The following EOGT variants were observed in gnomAD, a reference collection of about 807,000 sequenced individuals.
EOGT encodes the protein EGF domain specific O-linked N-acetylglucosamine transferase.
A neutral mutation model predicts 70.5 loss-of-function variants in EOGT; 55 were observed. That is an observed-to-expected ratio of 0.78 (90% confidence interval 0.63 to 0.98). The LOEUF (loss-of-function observed/expected upper bound fraction) is 0.98. Among genes scored for constraint, EOGT ranks in the 50% least tolerant of loss-of-function variants. The pLI is 0.00. For synonymous variants in EOGT, 246 were observed against 217.1 expected (o/e 1.13, Z -1.17); for missense variants, 703 against 641.9 (o/e 1.10, Z -1.03).
chr3:69,011,141 A>G (rs1171359805), intron 3 of EOGT, among the ~76,000 whole-genome samples: 2 of 147,838 alleles, frequency 1.4e-5, no homozygotes, highest in Non-Finnish European at 3.0e-5. Context: ...TCTCCTATAT[A>G]TCCCAGACAA....
chr3:69,004,810 T>C (rs1018402306), intron 7 of EOGT, among the ~76,000 whole-genome samples: 2 of 152,064 alleles, frequency 1.3e-5, no homozygotes, highest in African/African-American at 4.8e-5. Context: ...ACACCTATAA[T>C]CCCAGCACTT....
At chr3:68,983,887 CGA>C (rs2090724698) in intron 14 of EOGT, among the ~76,000 whole-genome samples, 1 of 152,098 alleles carries the variant, frequency 6.6e-6, no homozygotes, top group South Asian at 2.1e-4. Context: ...CACTTGAACC[CGA>C]GAGATGGAGG....
chr3:68,987,488 A>G lies in EOGT; in HGVS notation c.1109T>C (p.Leu370Pro), dbSNP rs2107210194. ...TTTCCGGTATTCTGTGCTCCGTGCA[A>G]GAATGGTGACTCGAATTTTTCCATC... ...PKDGKIRVTI[L>P]ARSTEYRKIL... is the part of the protein sequence containing the mutation. Residue 370 changes from leucine (L) to proline (P), a missense_variant, in exon 14 of 18, where the codon CTT becomes CCT. Coordinates refer to ENST00000383701, the MANE Select transcript of EOGT (RefSeq NM_001278689.2). 1 of 1,614,004 alleles carries G rather than the reference A, an allele frequency of 6.2e-7. No individual in the cohort carries two copies. Among genetic ancestry groups the G allele is most frequent in the Non-Finnish European group, 8.5e-7 (1 of 1,179,908 alleles).
chr3:69,009,924 CAA>C, intron 3 of EOGT, 64 bp from the exon 4 acceptor site: 26 of 563,596 alleles, frequency 4.6e-5, no homozygotes, highest in Non-Finnish European at 6.2e-5. Flanking sequence ...ACAACAACAA[CAA>C]CAACAACAAA....
chr3:68,989,145 C>T (rs556520024), intron 10 of EOGT, 128 bp from the exon 11 acceptor site: 41 of 523,124 alleles, frequency 7.8e-5, no homozygotes, highest in Non-Finnish European at 1.3e-4. Context: ...TCATAAAATC[C>T]ATACAAGCAA....
intron 15 of EOGT, among the ~76,000 whole-genome samples, chr3:68,981,847 C>T (rs998010030): frequency 1.3e-5 from 2 of 151,700 alleles, no homozygotes; most frequent in Admixed American, 6.6e-5. Flanking sequence ...TGTTATCAAA[C>T]ATTTGATAAT....
At chr3:69,001,789 C>T (rs2091300139) in intron 8 of EOGT, 75 bp from the exon 9 acceptor site, 6 of 1,019,670 alleles carry the variant, frequency 5.9e-6, no homozygotes, top group East Asian at 4.9e-5. Flanking sequence ...AACTTAGGAT[C>T]TGTTCATTAG....
intron 9 of EOGT, among the ~76,000 whole-genome samples, chr3:69,001,082 G>A (rs191098801): frequency 1.3e-3 from 192 of 151,722 alleles, no homozygotes; most frequent in South Asian, 3.3e-3. Flanking sequence ...TCAACCTCCC[G>A]AGTAGCTGGG....
intron 3 of EOGT, among the ~76,000 whole-genome samples, chr3:69,011,386 G>A (rs1001398553): frequency 3.3e-5 from 5 of 151,506 alleles, no homozygotes; most frequent in African/African-American, 1.2e-4. Flanking sequence ...AGCACTTTGG[G>A]AGGCCAAGAC....
rs1364232007 is a variant in EOGT at position 69,009,628 on chromosome 3, A to C, written c.210+9T>G. ...TCATAAAAATAAGGAGAAAAGAAAT[A>C]ATACCTACCTTATATGGACAAAGAG... On this transcript the variant is annotated intron_variant, in intron 4 of 17. Transcript: ENST00000383701. 9 of 1,601,560 alleles carry C rather than the reference A, an allele frequency of 5.6e-6. No homozygotes were observed. Among genetic ancestry groups the C allele is most frequent in the Non-Finnish European group, 7.7e-6 (9 of 1,169,200 alleles).
At chr3:68,988,212 T>C in intron 13 of EOGT, 83 bp downstream of exon 13, 1 of 970,786 alleles carries the variant, frequency 1.0e-6, no homozygotes, top group Non-Finnish European at 1.5e-6. Flanking sequence ...CTCCTGATTA[T>C]TTCTGTTTCT....
chr3:68,988,538 T>A lies in EOGT; in HGVS notation c.964A>T (p.Met322Leu). Residue 322 changes from methionine to leucine, a missense_variant, in exon 12 of 18, where the codon ATG (methionine) becomes TTG (leucine). Met to Leu is a conservative substitution (Grantham distance 15, BLOSUM62 2). Transcript: ENST00000383701. The stretch of plus-strand genomic sequence containing the variant: ...GTATTATAGAACAGCCCATACCTCA[T>A]GCGGGGGAGTAATGAAAAAACAGCT... ...KEAVFSLLPR[M>L]RYGLFYNTPL... 1 of 1,533,610 alleles carries A rather than the reference T, an allele frequency of 6.5e-7. No homozygotes were observed. Among genetic ancestry groups the A allele is most frequent in the Non-Finnish European group, 8.7e-7 (1 of 1,145,644 alleles).
rs772737749 is a variant in EOGT at position 68,977,724 on chromosome 3, T to C, written c.1478A>G (p.Asn493Ser). 8.1e-6 allele frequency: 13 copies of C among 1,613,576 alleles called. No individual in the cohort carries two copies. The highest frequency in any genetic ancestry group is 1.7e-5 in the Admixed American group (1 of 59,920). ...AAATTCTTCTACATCGAAAGAGTAG[T>C]TGGTGAACTTCGGGTGCTCCCCCAG... ...PTLGEHPKFT[N>S]YSFDVEEFMY... Residue 493 changes from asparagine to serine, a missense_variant, in exon 18 of 18, where the codon AAC becomes AGC. Transcript: ENST00000383701.
At chr3:69,006,764 G>T (rs1395245583) in intron 6 of EOGT, among the ~76,000 whole-genome samples, 1 of 152,134 alleles carries the variant, frequency 6.6e-6, no homozygotes, top group Non-Finnish European at 1.5e-5. Context: ...TCTTGACAAC[G>T]TGTTTATCTG....
Position 68,988,988 on chromosome 3 carries a change from G to A in EOGT, c.861C>T (p.Ser287=), listed in dbSNP as rs6771187. 3,830 of 1,530,594 alleles carry A rather than the reference G, an allele frequency of 2.5e-3. 78 individuals carry two copies. In the African/African-American group the frequency reaches 0.047, roughly 19 times the overall value. The allele number at this position is 1,530,594 out of a possible 1,614,324, so 94.8% of individuals were successfully genotyped here. Reference sequence around the variant, plus strand: ...AATCAGTAAATGCATTCCATGTGTCGGAGAATAGGTCACCATATCCGTAAG... The same window carrying A: ...AATCAGTAAATGCATTCCATGTGTCAGAGAATAGGTCACCATATCCGTAAG... The part of the protein sequence containing the change: ...TSSYGYGDLF[S]DTWNAFTDYD... Residue 287 remains serine (S), a synonymous_variant, in exon 11 of 18, where the codon TCC becomes TCT. Coordinates refer to ENST00000383701, the MANE Select transcript of EOGT (RefSeq NM_001278689.2).
intron 5 of EOGT, among the ~76,000 whole-genome samples, chr3:69,008,200 G>C (rs2091486413): frequency 6.6e-6 from 1 of 152,136 alleles, no homozygotes; most frequent in African/African-American, 2.4e-5. Flanking sequence ...ATACACTGGG[G>C]GAAAAAATTA....
Position 68,977,369 on chromosome 3 carries a change from T to A in EOGT, c.*249A>T. Reference sequence around the variant, plus strand: ...AAGAAAGTTAAAGTATACTGGGGAGTCCATGCTTAATTTTTGAACTATAAA... The same window carrying A: ...AAGAAAGTTAAAGTATACTGGGGAGACCATGCTTAATTTTTGAACTATAAA... On this transcript the variant is annotated 3_prime_UTR_variant, in exon 18 of 18. Transcript: ENST00000383701. 7 of 384,110 alleles carry A rather than the reference T, an allele frequency of 1.8e-5. No homozygotes were observed. The highest frequency in any genetic ancestry group is 4.9e-5 in the Admixed American group (1 of 20,400). 23.8% of individuals were successfully genotyped at this position (384,110 alleles called of 1,614,324 possible). A position where few individuals can be genotyped will look rare whatever the true frequency, so the allele number is the denominator to read the frequency against.
chr3:68,977,338 G>T lies in EOGT; in HGVS notation c.*280C>A. 2 of 243,662 alleles carry T rather than the reference G, an allele frequency of 8.2e-6. No individual in the cohort carries two copies. The highest frequency in any genetic ancestry group is 7.7e-6 in the Non-Finnish European group (1 of 130,132). The allele number at this position is 243,662 out of a possible 1,614,324, so 15.1% of individuals were successfully genotyped here. On this transcript the variant is annotated 3_prime_UTR_variant, in exon 18 of 18. Coordinates refer to ENST00000383701, the MANE Select transcript of EOGT (RefSeq NM_001278689.2). ...GACTCTGTCTCCAAAAAAAAAAAAA[G>T]AAAGAAAGAAAGTTAAAGTATACTG...
At position 69,013,109 on chromosome 3, in the gene EOGT, G is replaced by T. The variant is rs1044554642; in HGVS notation, c.-355-310C>A. Among the ~76,000 whole-genome samples the T allele has an allele frequency of 2.0e-5, 3 of 152,106 alleles. No individual in the cohort carries two copies. In the East Asian group the frequency reaches 5.8e-4, roughly 30 times the overall value. ...GCTTGAACGTCAGTCCCGGCCAAGG[G>T]CTGAGGGGTCAGTGGCGAGCACCCC... On this transcript the variant is annotated intron_variant, in intron 1 of 17. Transcript: ENST00000383701.
Sources: gnomAD v4.1 joint callset for allele counts (sites outside exome capture counted in the v4.1 genomes callset) on GRCh38, gnomAD v4.1.1 for gene constraint, MANE v1.5 for transcripts, NCBI Gene and HGNC (gene_info 2026-07-23, HGNC 2026-07-21) for gene names.